Variants in CNPY3 observed in about 807,000 individuals in gnomAD.
CNPY3 encodes canopy FGF signaling regulator 3, also known as protein canopy homolog 3.
CNPY3 carries 20 observed loss-of-function variants against 32.0 expected under a neutral mutation model. That is an observed-to-expected ratio of 0.63 (90% confidence interval 0.44 to 0.91). CNPY3 has a LOEUF of 0.91. Among genes scored for constraint, CNPY3 ranks in the 40% least tolerant of loss-of-function variants. The probability of loss-of-function intolerance (pLI) is 0.00; values close to 1 mark genes in which losing one functional copy is unlikely to be tolerated. For missense variants in CNPY3, 299 were observed against 340.8 expected, an observed-to-expected ratio of 0.88 and a Z score of 0.97; for synonymous variants, 138 against 142.9, an observed-to-expected ratio of 0.97 and a Z score of 0.24.
chr6:42,938,935 G>A lies in CNPY3; in HGVS notation c.*144G>A. On this transcript the variant is annotated 3_prime_UTR_variant, in exon 6 of 6. Transcript: ENST00000372836. ...CCTCTTCTGCCAAGGAAAGACACAA[G>A]CCCCAGGAAGAACTCAGAGCCGTCA... The A allele has an allele frequency of 2.1e-6, 3 of 1,424,202 alleles. No homozygotes were observed. The highest frequency in any genetic ancestry group is 2.8e-6 in the Non-Finnish European group (3 of 1,085,052). 88.2% of individuals were successfully genotyped at this position (1,424,202 alleles called of 1,614,324 possible).
In CNPY3 at chr6:42,934,481, A is replaced by G; in HGVS notation, c.158A>G (p.Lys53Arg). Residue 53 changes from lysine (K) to arginine (R), a missense_variant, in exon 2 of 6, where the codon AAA (lysine) becomes AGA (arginine). Coordinates refer to ENST00000372836, the MANE Select transcript of CNPY3 (RefSeq NM_006586.5). ...TGCTACCTCCCTCCCCCAGTGTGTA[A>G]ATATGTTGCTGTGGAGCTGAAGTCA... ...VRLPSKCEVC[K>R]YVAVELKSAF... 8 of 1,613,892 alleles carry G rather than the reference A, an allele frequency of 5.0e-6. No individual in the cohort carries two copies. The highest frequency in any genetic ancestry group is 6.8e-6 in the Non-Finnish European group (8 of 1,179,916).
chr6:42,938,270 GGTGGGTA>G, intron 5 of CNPY3, 63 bp downstream of exon 5: 1 of 1,308,440 alleles, frequency 7.6e-7, no homozygotes, highest in Non-Finnish European at 1.1e-6. Context: ...CCTTGGGGGA[GGTGGGTA>G]GGAGGAGAAA....
intron 1 of CNPY3, among the ~76,000 whole-genome samples, chr6:42,934,234 GATAAA>G (rs1247442888): frequency 6.6e-6 from 1 of 152,122 alleles, no homozygotes; most frequent in African/African-American, 2.4e-5. Context: ...AGAAACAGTA[GATAAA>G]ATAGAAATCC....
chr6:42,938,908 G>T lies in CNPY3; in HGVS notation c.*117G>T. On this transcript the variant is annotated 3_prime_UTR_variant, in exon 6 of 6. Transcript: ENST00000372836. Reference sequence around the variant, plus strand: ...TTCAGCCCCTCCTTGCCTTGGCTGTGCCCTCTTCTGCCAAGGAAAGACACA... The same window carrying T: ...TTCAGCCCCTCCTTGCCTTGGCTGTTCCCTCTTCTGCCAAGGAAAGACACA... 7.0e-7 allele frequency: 1 copy of T among 1,436,370 alleles called. No homozygotes were observed. Among genetic ancestry groups the T allele is most frequent in the Non-Finnish European group, 9.2e-7 (1 of 1,090,758 alleles). 89.0% of individuals were successfully genotyped at this position (1,436,370 alleles called of 1,614,324 possible).
At chr6:42,929,468 G>A, upstream of CNPY3, 1 of 1,248,840 alleles carries the variant, frequency 8.0e-7, no homozygotes. Context: ...GTGGTTGCTC[G>A]GAGGCACGTG....
chr6:42,929,619 T>TTGC lies in CNPY3; in HGVS notation c.74_76dup (p.Leu25dup), dbSNP rs570105218. The stretch of plus-strand genomic sequence containing the variant: ...GTCCCGCTGTCTTCTGCTTCTTCCC[T>TTGC]TGCTGCTGCTGCTGCTGCTGCTGCT... On this transcript the variant is annotated inframe_insertion, in exon 1 of 6. Transcript: ENST00000372836. 1,144 of 1,560,544 alleles carry TTGC rather than the reference T, an allele frequency of 7.3e-4. No individual in the cohort carries two copies. The highest frequency in any genetic ancestry group is 1.6e-3 in the South Asian group (139 of 85,306).
chr6:42,933,369 C>T (rs953389521), intron 1 of CNPY3, among the ~76,000 whole-genome samples: 5 of 152,042 alleles, frequency 3.3e-5, no homozygotes, highest in African/African-American at 1.2e-4. Context: ...TCTCTGTATC[C>T]CCAGGCTGAC....
upstream of CNPY3, chr6:42,929,479 T>C: frequency 1.5e-6 from 2 of 1,336,992 alleles, no homozygotes; most frequent in Non-Finnish European, 2.0e-6. Flanking sequence ...GAGGCACGTG[T>C]GCAGTCCCGG....
chr6:42,928,503 C>T (rs1229539984), upstream of CNPY3, among the ~76,000 whole-genome samples: 1 of 151,824 alleles, frequency 6.6e-6, no homozygotes, highest in Non-Finnish European at 1.5e-5. Context: ...AGGCTGGTCT[C>T]CAACTCCTGG....
upstream of CNPY3, among the ~76,000 whole-genome samples, chr6:42,928,801 A>C (rs1483857111): frequency 1.3e-5 from 2 of 152,238 alleles, no homozygotes; most frequent in Non-Finnish European, 2.9e-5. Flanking sequence ...CTGCTCGATA[A>C]GCTTTAATTC....
chr6:42,930,055 C>G (rs1326547251), intron 1 of CNPY3, among the ~76,000 whole-genome samples: 1 of 151,926 alleles, frequency 6.6e-6, no homozygotes, highest in Non-Finnish European at 1.5e-5. Flanking sequence ...AGAGGGGAGT[C>G]AAAGAGGGCT....
chr6:42,938,986 C>T lies in CNPY3; in HGVS notation c.*195C>T. 1 of 1,366,716 alleles carries T rather than the reference C, an allele frequency of 7.3e-7. No homozygotes were observed. Among genetic ancestry groups the T allele is most frequent in the Admixed American group, 3.2e-5 (1 of 31,572 alleles). The allele number at this position is 1,366,716 out of a possible 1,614,324, so 84.7% of individuals were successfully genotyped here. ...TGGGTAGCCCACGCCGTCCTTTCCC[C>T]TCCCCAAGTGTTTCTCTCCTGACCC... On this transcript the variant is annotated 3_prime_UTR_variant, in exon 6 of 6. Coordinates refer to ENST00000372836, the MANE Select transcript of CNPY3 (RefSeq NM_006586.5).
At chr6:42,931,288 G>A (rs1562538734) in intron 1 of CNPY3, among the ~76,000 whole-genome samples, 2 of 149,404 alleles carry the variant, frequency 1.3e-5, no homozygotes, top group African/African-American at 5.0e-5. Flanking sequence ...ATGCAGTGGC[G>A]CGATCTTGGC....
At chr6:42,928,239 G>A (rs113729129), upstream of CNPY3, among the ~76,000 whole-genome samples, 30 of 151,934 alleles carry the variant, frequency 2.0e-4, no homozygotes, top group African/African-American at 4.8e-4. Context: ...CACCTACCTC[G>A]GCCTTCCAAA....
Position 42,939,148 on chromosome 6 carries a change from C to G in CNPY3, c.*357C>G. 1.9e-6 allele frequency: 2 copies of G among 1,076,506 alleles called. No individual in the cohort carries two copies. Among genetic ancestry groups the G allele is most frequent in the African/African-American group, 3.3e-5 (2 of 60,472 alleles). The allele number at this position is 1,076,506 out of a possible 1,614,324, so 66.7% of individuals were successfully genotyped here. On this transcript the variant is annotated 3_prime_UTR_variant, in exon 6 of 6. Transcript: ENST00000372836. ...CTCACCATCCCTCAGTCCTCCCCAA[C>G]AGGGTACTAGGACTGCAGCCCCCTG... is the stretch of plus-strand genomic sequence containing the variant.
Position 42,929,630 on chromosome 6 carries a change from G to A in CNPY3, c.60G>A (p.Leu20=). The change falls in exon 1 of 6, where the codon CTG becomes CTA. Residue 20 remains leucine, a synonymous_variant. Transcript: ENST00000372836. ...RCLLLLPLLL[L]LLLLLPAPEL... ...TTCTGCTTCTTCCCTTGCTGCTGCT[G>A]CTGCTGCTGCTGCTGCCGGCCCCGG... is the stretch of plus-strand genomic sequence containing the variant. 1 of 1,554,748 alleles carries A rather than the reference G, an allele frequency of 6.4e-7. No individual in the cohort carries two copies. The highest frequency in any genetic ancestry group is 2.4e-5 in the East Asian group (1 of 41,032).
At chr6:42,929,956 G>C (rs886834218) in intron 1 of CNPY3, among the ~76,000 whole-genome samples, 1 of 152,116 alleles carries the variant, frequency 6.6e-6, no homozygotes, top group African/African-American at 2.4e-5. Context: ...TGCCATGATA[G>C]GGGAGGTACA....
chr6:42,935,701 T>C, intron 3 of CNPY3, 31 bp downstream of exon 3: 1 of 1,597,654 alleles, frequency 6.3e-7, no homozygotes, highest in Non-Finnish European at 8.6e-7. Flanking sequence ...TCATCCGCTC[T>C]GGGGTCAGGC....
chr6:42,934,426 C>A, intron 1 of CNPY3, 49 bp from the exon 2 acceptor site: 1 of 1,609,770 alleles, frequency 6.2e-7, no homozygotes, highest in Non-Finnish European at 8.5e-7. Context: ...AGCTGGCCTC[C>A]CATTAGACTC....
Sources: gnomAD v4.1 joint callset for allele counts (sites outside exome capture counted in the v4.1 genomes callset) on GRCh38, gnomAD v4.1.1 for gene constraint, MANE v1.5 for transcripts, NCBI Gene and HGNC (gene_info 2026-07-23, HGNC 2026-07-21) for gene names.